The following MYO18B variants were observed in gnomAD, a reference collection of about 807,000 sequenced individuals.
MYO18B encodes the protein unconventional myosin-XVIIIb.
Under a neutral mutation model 273.0 loss-of-function variants are expected in MYO18B, and 204 were observed. The ratio of observed to expected loss-of-function variants is 0.75; its 90% confidence interval spans 0.67 to 0.84. The LOEUF (loss-of-function observed/expected upper bound fraction) is 0.84, where lower values mean the gene tolerates loss of function less well. Ranked by LOEUF, MYO18B falls within the 40% of genes least tolerant of loss-of-function variation. The probability of loss-of-function intolerance (pLI) is 0.00; values close to 1 mark genes in which losing one functional copy is unlikely to be tolerated. For synonymous variants in MYO18B, 1,330 were observed against 1,305.7 expected (o/e 1.02, Z -0.40); for missense variants, 3,212 against 3,287.6 (o/e 0.98, Z 0.56).
intron 31 of MYO18B, among the ~76,000 whole-genome samples, chr22:25,907,667 C>T (rs1243721252): frequency 6.6e-6 from 1 of 152,166 alleles, no homozygotes; most frequent in East Asian, 1.9e-4. Flanking sequence ...TACCATTCAT[C>T]TACCTATCCA....
intron 39 of MYO18B, among the ~76,000 whole-genome samples, chr22:25,988,640 T>G (rs1241564445): frequency 1.3e-5 from 2 of 152,178 alleles, no homozygotes; most frequent in African/African-American, 4.8e-5. Flanking sequence ...TTCCAATGTT[T>G]TTATTTGGTT....
At chr22:25,820,655 TATC>T (rs2089242038) in intron 12 of MYO18B, among the ~76,000 whole-genome samples, 1 of 152,184 alleles carries the variant, frequency 6.6e-6, no homozygotes, top group Non-Finnish European at 1.5e-5. Context: ...CTTGAACAAT[TATC>T]ATTTATTTGT....
intron 11 of MYO18B, among the ~76,000 whole-genome samples, chr22:25,796,355 T>C (rs1246610180): frequency 6.6e-6 from 1 of 152,066 alleles, no homozygotes; most frequent in Non-Finnish European, 1.5e-5. Context: ...GAGGCCATGG[T>C]GGGAGGATTG....
intron 12 of MYO18B, among the ~76,000 whole-genome samples, chr22:25,806,209 A>G (rs986347361): frequency 2.6e-5 from 4 of 152,186 alleles, no homozygotes; most frequent in Admixed American, 2.0e-4. Context: ...GGGGTTGTGC[A>G]CTTAATCACA....
In MYO18B at chr22:25,914,886, A is replaced by G. The variant is rs1372239076; in HGVS notation, c.5364+3836A>G. ...TAATTTTTTTGTATTTTTCATAGAGATGGGGTTTCACTGTGTTAGCCAGGA... is the reference window on the plus strand; with the variant it reads ...TAATTTTTTTGTATTTTTCATAGAGGTGGGGTTTCACTGTGTTAGCCAGGA... On this transcript the variant is annotated intron_variant, in intron 33 of 43. Coordinates refer to ENST00000335473, the MANE Select transcript of MYO18B (RefSeq NM_032608.7). Among the ~76,000 whole-genome samples the G allele has an allele frequency of 2.7e-5, 4 of 150,204 alleles. No individual in the cohort carries two copies. In the East Asian group the frequency reaches 7.8e-4, roughly 29 times the overall value.
downstream of MYO18B, among the ~76,000 whole-genome samples, chr22:26,035,489 A>G (rs1315951235): frequency 6.6e-6 from 1 of 152,186 alleles, no homozygotes; most frequent in Non-Finnish European, 1.5e-5. Context: ...ACTGAAACCC[A>G]TCTCTGGCCA....
intron 39 of MYO18B, among the ~76,000 whole-genome samples, chr22:25,990,721 G>GA (rs1569270836): frequency 3.7e-5 from 1 of 26,996 alleles, no homozygotes; most frequent in Non-Finnish European, 6.6e-5. Flanking sequence ...AAAAAAAAAA[G>GA]AAAAAGAAAA....
intron 7 of MYO18B, among the ~76,000 whole-genome samples, chr22:25,774,963 G>A (rs1435251991): frequency 6.6e-6 from 1 of 152,260 alleles, no homozygotes; most frequent in Non-Finnish European, 1.5e-5. Context: ...TTCTGTGCAT[G>A]CGTGCAAGGG....
chr22:25,782,328 A>G (rs1259194093), intron 10 of MYO18B, among the ~76,000 whole-genome samples: 1 of 152,164 alleles, frequency 6.6e-6, no homozygotes, highest in East Asian at 1.9e-4. Flanking sequence ...GCAGACCCCC[A>G]TGTCTTCCAG....
intron 39 of MYO18B, among the ~76,000 whole-genome samples, chr22:25,978,032 G>C (rs1485568365): frequency 6.6e-6 from 1 of 152,194 alleles, no homozygotes; most frequent in Non-Finnish European, 1.5e-5. Context: ...GTTTAAAGTT[G>C]AAGTATTTAT....
intron 39 of MYO18B, among the ~76,000 whole-genome samples, chr22:25,956,204 C>T (rs866404716): frequency 1.5e-4 from 23 of 149,346 alleles, no homozygotes; most frequent in African/African-American, 5.0e-4. Context: ...CAGGATGGAC[C>T]GAGGAACCTT....
At chr22:25,811,086 T>C (rs541744750) in intron 12 of MYO18B, among the ~76,000 whole-genome samples, 2 of 151,598 alleles carry the variant, frequency 1.3e-5, no homozygotes, top group East Asian at 3.9e-4. Flanking sequence ...TGATCTCGGC[T>C]CACTGCAACC....
At chr22:25,797,120 AG>A (rs2087950734) in intron 11 of MYO18B, among the ~76,000 whole-genome samples, 1 of 152,120 alleles carries the variant, frequency 6.6e-6, no homozygotes, top group South Asian at 2.1e-4. Flanking sequence ...CCAGCTACTC[AG>A]GAGGCTGAGG....
chr22:25,921,111 G>C (rs117544445), intron 33 of MYO18B, 146 bp from the exon 34 acceptor site: 26,722 of 768,146 alleles, frequency 0.035, 592 homozygotes, highest in Middle Eastern at 0.072. Context: ...AGGAAACTGA[G>C]GCTCGGAGAG....
rs1268954806 is a variant in MYO18B at position 25,883,865 on chromosome 22, C to A, written c.4314+5817C>A. On this transcript the variant is annotated intron_variant, in intron 25 of 43. Coordinates refer to ENST00000335473, the MANE Select transcript of MYO18B (RefSeq NM_032608.7). The surrounding 1 kb of genome is among the most constrained non-coding windows in gnomAD (Gnocchi z 7.6). Reference sequence around the variant, plus strand: ...GAGGAGATGAGGAGCCTCTAAGAATCTGGCTATAAATACTCTTCAAGCATG... The same window carrying A: ...GAGGAGATGAGGAGCCTCTAAGAATATGGCTATAAATACTCTTCAAGCATG... Among the ~76,000 whole-genome samples the A allele has an allele frequency of 6.6e-6, 1 of 152,210 alleles. No homozygotes were observed. Among genetic ancestry groups the A allele is most frequent in the African/African-American group, 2.4e-5 (1 of 41,460 alleles).
chr22:25,969,933 CCAT>C (rs902143047), intron 39 of MYO18B, among the ~76,000 whole-genome samples: 1 of 152,096 alleles, frequency 6.6e-6, no homozygotes, highest in Non-Finnish European at 1.5e-5. Flanking sequence ...ATCATAATAA[CCAT>C]CATCATCATC....
chr22:25,775,392 C>T (rs1337735038), intron 7 of MYO18B, among the ~76,000 whole-genome samples: 1 of 152,198 alleles, frequency 6.6e-6, no homozygotes. Flanking sequence ...GGGTTTGTGC[C>T]CCTAGTTCGG....
intron 10 of MYO18B, among the ~76,000 whole-genome samples, 173 bp downstream of exon 10, chr22:25,782,007 A>T (rs1265777356): frequency 6.6e-6 from 1 of 152,160 alleles, no homozygotes; most frequent in Non-Finnish European, 1.5e-5. Context: ...GGGCTGGGTG[A>T]CTTTGGTCAC....
chr22:25,777,902 G>A lies in MYO18B; in HGVS notation c.2068+121G>A. The A allele has an allele frequency of 4.1e-6, 4 of 970,590 alleles. No homozygotes were observed. In the South Asian group the frequency reaches 8.1e-5, roughly 20 times the overall value. The allele number at this position is 970,590 out of a possible 1,614,324, so 60.1% of individuals were successfully genotyped here. A position where few individuals can be genotyped will look rare whatever the true frequency, so the allele number is the denominator to read the frequency against. ...ATTCACTGAGCACCAGATATGTGCA[G>A]ACCCCATGCTTGCTACTGGGCAGGG... On this transcript the variant is annotated intron_variant, in intron 8 of 43. Coordinates refer to ENST00000335473, the MANE Select transcript of MYO18B (RefSeq NM_032608.7).
Sources: allele counts gnomAD v4.1 joint callset (sites outside exome capture counted in the v4.1 genomes callset), GRCh38; gene constraint gnomAD v4.1.1; non-coding constraint Gnocchi (gnomAD v3.1); transcripts MANE v1.5; gene names NCBI Gene and HGNC (gene_info 2026-07-23, HGNC 2026-07-21).